The following SNTG2 variants were observed in gnomAD, a reference collection of about 807,000 sequenced individuals.
The protein encoded by SNTG2 is syntrophin gamma 2, also known as gamma-2-syntrophin.
SNTG2 carries 74 observed loss-of-function variants against 70.9 expected under a neutral mutation model. That is an observed-to-expected ratio of 1.04 (90% CI 0.86 to 1.27). The LOEUF is 1.27. Ranked by LOEUF, SNTG2 falls within the 50% of genes most tolerant of loss-of-function variation. SNTG2 has a pLI of 0.00. For missense variants in SNTG2, 717 were observed against 690.7 expected (o/e 1.04, Z -0.43); for synonymous variants, 278 against 273.8 (o/e 1.02, Z -0.15).
intron 16 of SNTG2, among the ~76,000 whole-genome samples, chr2:1,356,074 A>T (rs1449701540): frequency 6.6e-6 from 1 of 152,204 alleles, no homozygotes; most frequent in Non-Finnish European, 1.5e-5. Flanking sequence ...AGTTATTTAT[A>T]CATTTTGGAC....
intron 8 of SNTG2, among the ~76,000 whole-genome samples, chr2:1,208,889 A>G (rs1254452089): frequency 1.3e-5 from 2 of 152,000 alleles, no homozygotes; most frequent in East Asian, 3.9e-4. Context: ...CTTTCGTGCA[A>G]TTTGCAGTTG....
rs143660933 is a variant in SNTG2 at position 1,245,312 on chromosome 2, G to A, written c.889-2015G>A. ...AAAAAGAAATAAGTCCTCCTCAAGA[G>A]CTTTAGCAAGGCACTCAAATGTGCG... On this transcript the variant is annotated intron_variant, in intron 11 of 16. Transcript: ENST00000308624. 1.6e-3 allele frequency among the ~76,000 whole-genome samples: 241 copies of A among 152,044 alleles called. 1 individual carries two copies. The highest frequency in any genetic ancestry group is 5.4e-3 in the African/African-American group (222 of 41,480).
intron 13 of SNTG2, chr2:1,262,840 G>C (rs74703284): frequency 0.088 from 13,372 of 151,402 alleles, 700 homozygotes; most frequent in South Asian, 0.15. Flanking sequence ...GTCCAGACGA[G>C]GAAACCCGAT....
intron 1 of SNTG2, 135 bp from the exon 2 acceptor site, chr2:1,083,383 A>T: frequency 7.0e-6 from 5 of 710,590 alleles, no homozygotes; most frequent in South Asian, 2.6e-5. Flanking sequence ...TTATCGGTTG[A>T]GCACAGATCT....
chr2:1,176,688 C>T (rs1236130632), intron 8 of SNTG2, among the ~76,000 whole-genome samples: 1 of 151,468 alleles, frequency 6.6e-6, no homozygotes, highest in Non-Finnish European at 1.5e-5. Context: ...AGGACACGAA[C>T]AGATACTTCT....
intron 8 of SNTG2, among the ~76,000 whole-genome samples, chr2:1,208,572 G>A (rs1418587922): frequency 1.3e-5 from 2 of 152,042 alleles, no homozygotes; most frequent in South Asian, 2.1e-4. Flanking sequence ...CTTCCCAGAC[G>A]GGCTTCCTGT....
At chr2:1,133,699 TTTAA>T (rs1186881655) in intron 4 of SNTG2, among the ~76,000 whole-genome samples, 1 of 94,428 alleles carries the variant, frequency 1.1e-5, no homozygotes, top group Non-Finnish European at 2.0e-5. Flanking sequence ...TTTACCACTT[TTTAA>T]TTTTTTTTAA....
chr2:1,187,555 AT>A (rs1290833075), intron 8 of SNTG2, among the ~76,000 whole-genome samples: 1 of 152,140 alleles, frequency 6.6e-6, no homozygotes, highest in Non-Finnish European at 1.5e-5. Context: ...CTTAAAATAA[AT>A]TTATCTCTCT....
At chr2:1,170,167 C>T (rs896824013) in intron 7 of SNTG2, among the ~76,000 whole-genome samples, 17 of 150,916 alleles carry the variant, frequency 1.1e-4, no homozygotes, top group African/African-American at 3.6e-4. Flanking sequence ...AATAAACAAC[C>T]GTTTGAGACT....
intron 1 of SNTG2, chr2:1,068,225 C>T (rs1351545727): frequency 6.6e-6 from 1 of 152,182 alleles, no homozygotes; most frequent in Non-Finnish European, 1.5e-5. Context: ...CAGATCCTCA[C>T]ATAGCAGGGC....
chr2:1,156,758 T>G (rs1347093695), intron 6 of SNTG2, among the ~76,000 whole-genome samples: 1 of 151,932 alleles, frequency 6.6e-6, no homozygotes, highest in Non-Finnish European at 1.5e-5. Context: ...CGGGCTGTCA[T>G]TTGAGACGTG....
intron 15 of SNTG2, among the ~76,000 whole-genome samples, chr2:1,312,045 C>A (rs757317779): frequency 1.3e-4 from 20 of 152,108 alleles, no homozygotes; most frequent in Non-Finnish European, 2.4e-4. Context: ...TAAAGACAAG[C>A]AATTATTTCC....
chr2:1,297,493 G>A (rs34873964), intron 14 of SNTG2, among the ~76,000 whole-genome samples: 1,911 of 152,126 alleles, frequency 0.013, 34 homozygotes, highest in African/African-American at 0.041. Flanking sequence ...TGCCCAGCCC[G>A]GCGCCTCTGC....
intron 16 of SNTG2, among the ~76,000 whole-genome samples, chr2:1,328,846 C>T (rs1681867851): frequency 2.0e-5 from 3 of 151,730 alleles, no homozygotes; most frequent in African/African-American, 7.3e-5. Flanking sequence ...CATACACATA[C>T]ACACACAGAT....
chr2:1,309,557 G>A (rs1680876570), intron 15 of SNTG2, among the ~76,000 whole-genome samples: 2 of 152,376 alleles, frequency 1.3e-5, no homozygotes, highest in South Asian at 4.1e-4. Context: ...GCACCTGCAG[G>A]GTGGAGCCCA....
intron 1 of SNTG2, among the ~76,000 whole-genome samples, chr2:1,005,937 T>G (rs1242111140): frequency 6.8e-6 from 1 of 147,750 alleles, no homozygotes; most frequent in Non-Finnish European, 1.5e-5. Flanking sequence ...TGAAAAATTT[T>G]ACATGCCAAC....
chr2:1,019,884 A>G (rs1008337891), intron 1 of SNTG2, among the ~76,000 whole-genome samples: 2 of 152,130 alleles, frequency 1.3e-5, no homozygotes, highest in African/African-American at 2.4e-5. Flanking sequence ...CTCTACAAAA[A>G]AAAGAAAAAT....
chr2:1,264,985 G>C (rs1002989128), intron 13 of SNTG2, among the ~76,000 whole-genome samples: 2 of 152,180 alleles, frequency 1.3e-5, no homozygotes, highest in African/African-American at 2.4e-5. Flanking sequence ...TTAAGTTTTA[G>C]GGGAGTCAAA....
intron 9 of SNTG2, among the ~76,000 whole-genome samples, chr2:1,234,650 C>G (rs1416074837): frequency 1.3e-5 from 2 of 152,182 alleles, no homozygotes; most frequent in African/African-American, 4.8e-5. Context: ...TTGCAGGACA[C>G]AGCCGTCTGC....
Sources: gnomAD v4.1 joint callset for allele counts (sites outside exome capture counted in the v4.1 genomes callset) on GRCh38, gnomAD v4.1.1 for gene constraint, MANE v1.5 for transcripts, NCBI Gene and HGNC (gene_info 2026-07-23, HGNC 2026-07-21) for gene names.